The following KIAA1549 variants were observed in gnomAD, a reference collection of about 807,000 sequenced individuals.
KIAA1549 encodes the protein KIAA1549.
A neutral mutation model predicts 156.4 loss-of-function variants in KIAA1549; 70 were observed. The ratio of observed to expected loss-of-function variants is 0.45; its 90% confidence interval spans 0.37 to 0.55. The LOEUF is 0.55. KIAA1549 is among the 20% of genes least tolerant of loss of function. The probability of loss-of-function intolerance (pLI) is 0.00; values close to 1 mark genes in which losing one functional copy is unlikely to be tolerated. For synonymous variants in KIAA1549, 1,103 were observed against 1,066.4 expected, an observed-to-expected ratio of 1.03 and a Z score of -0.67; for missense variants, 2,428 against 2,540.9, an observed-to-expected ratio of 0.96 and a Z score of 0.96.
intron 17 of KIAA1549, 22 bp downstream of exon 17, chr7:138,852,201 C>T (rs1402696322): frequency 6.3e-7 from 1 of 1,579,456 alleles, no homozygotes; most frequent in African/African-American, 1.4e-5. Flanking sequence ...AGTGATAATA[C>T]ATTTTGTTTT....
At chr7:138,908,743 A>G (rs1812079487) in intron 5 of KIAA1549, among the ~76,000 whole-genome samples, 1 of 152,172 alleles carries the variant, frequency 6.6e-6, no homozygotes, top group African/African-American at 2.4e-5. Context: ...AATTTCCTGA[A>G]TATGGTCATG....
At chr7:138,903,982 C>A (rs1811937079) in intron 7 of KIAA1549, among the ~76,000 whole-genome samples, 1 of 152,098 alleles carries the variant, frequency 6.6e-6, no homozygotes, top group South Asian at 2.1e-4. Context: ...GAAATGCAGC[C>A]CACAAGAGCT....
intron 6 of KIAA1549, 73 bp downstream of exon 6, chr7:138,906,846 A>G (rs1465176663): frequency 1.7e-6 from 2 of 1,204,872 alleles, no homozygotes; most frequent in Non-Finnish European, 2.2e-6. Context: ...AACTAAAAAA[A>G]TTTTAAGAAG....
intron 1 of KIAA1549, among the ~76,000 whole-genome samples, chr7:138,944,088 T>G (rs1813274147): frequency 6.6e-6 from 1 of 151,564 alleles, no homozygotes; most frequent in Non-Finnish European, 1.5e-5. Flanking sequence ...TTTTTTTTTT[T>G]GTCTATGGCC....
intron 1 of KIAA1549, among the ~76,000 whole-genome samples, chr7:138,963,026 G>C (rs527630897): frequency 1.3e-4 from 20 of 152,224 alleles, no homozygotes; most frequent in Admixed American, 1.2e-3. Flanking sequence ...TGTAGACGGA[G>C]TTGCTAGAGG....
intron 1 of KIAA1549, among the ~76,000 whole-genome samples, chr7:138,957,735 C>T (rs1163261621): frequency 6.6e-6 from 1 of 152,076 alleles, no homozygotes; most frequent in African/African-American, 2.4e-5. Flanking sequence ...ACCTCAGCCT[C>T]CCAAAGTGCT....
At chr7:138,908,896 G>T in intron 5 of KIAA1549, 95 bp downstream of exon 5, 1 of 1,479,066 alleles carries the variant, frequency 6.8e-7, no homozygotes, top group Non-Finnish European at 9.3e-7. Context: ...TTCCGCCACT[G>T]GAGGGAATAA....
intron 2 of KIAA1549, among the ~76,000 whole-genome samples, chr7:138,913,775 C>A (rs1286476245): frequency 6.6e-6 from 1 of 152,024 alleles, no homozygotes; most frequent in Non-Finnish European, 1.5e-5. Context: ...GCCAACTCCG[C>A]ATGGCCCACA....
At chr7:138,899,659 T>A (rs1472674048) in intron 8 of KIAA1549, among the ~76,000 whole-genome samples, 5 of 152,196 alleles carry the variant, frequency 3.3e-5, no homozygotes, top group African/African-American at 1.2e-4. Flanking sequence ...GTTAGTAGTA[T>A]CCCTGCCCTC....
chr7:138,929,968 G>A (rs75874889), intron 1 of KIAA1549, among the ~76,000 whole-genome samples: 1,816 of 152,192 alleles, frequency 0.012, 37 homozygotes, highest in African/African-American at 0.041. Flanking sequence ...GTGAGTCACC[G>A]CACCCAGCCA....
chr7:138,920,311 G>C (rs1812532559), intron 1 of KIAA1549, among the ~76,000 whole-genome samples: 1 of 151,422 alleles, frequency 6.6e-6, no homozygotes. Context: ...TTGGATTCGT[G>C]CCTCTCCCTA....
intron 1 of KIAA1549, among the ~76,000 whole-genome samples, chr7:138,929,456 C>T (rs1179446814): frequency 6.6e-6 from 1 of 152,202 alleles, no homozygotes; most frequent in East Asian, 1.9e-4. Flanking sequence ...TGACTTCCTC[C>T]ACTGAAGTCT....
chr7:138,970,971 G>A (rs78142078), intron 1 of KIAA1549, among the ~76,000 whole-genome samples: 36 of 137,692 alleles, frequency 2.6e-4, no homozygotes, highest in African/African-American at 9.8e-4. Context: ...AGAAGTGACA[G>A]GAGAGTTTCC....
rs1812125886 is a variant in KIAA1549 at position 138,910,127 on chromosome 7, G to GGCTATA, written c.3146-1007_3146-1006insTATAGC. Among the ~76,000 whole-genome samples, 9 of 152,310 alleles carry GGCTATA rather than the reference G, an allele frequency of 5.9e-5. No individual in the cohort carries two copies. The South Asian group carries it at 1.9e-3, about 32-fold the overall frequency. ...GTAGATGGGGGTGTGGCTATAACAA[G>GGCTATA]ACTGGCTAGGAACGGAAAAGTGGTT... On this transcript the variant is annotated intron_variant, in intron 4 of 19. Coordinates refer to ENST00000422774, the MANE Select transcript of KIAA1549 (RefSeq NM_001164665.2).
intron 16 of KIAA1549, among the ~76,000 whole-genome samples, chr7:138,857,376 C>A (rs185423679): frequency 6.6e-6 from 1 of 152,282 alleles, no homozygotes; most frequent in Admixed American, 6.5e-5. Flanking sequence ...CTGCTGTTTT[C>A]TTTGGGTCTA....
intron 1 of KIAA1549, among the ~76,000 whole-genome samples, chr7:138,977,569 T>C (rs905600544): frequency 6.6e-6 from 1 of 151,968 alleles, no homozygotes; most frequent in African/African-American, 2.4e-5. Context: ...CCCAGCATTT[T>C]GAACAAAAGA....
intron 17 of KIAA1549, among the ~76,000 whole-genome samples, chr7:138,844,790 C>T (rs529121707): frequency 6.6e-6 from 1 of 151,880 alleles, no homozygotes; most frequent in African/African-American, 2.4e-5. Context: ...CATCACCTGG[C>T]GGGCCCGAAA....
intron 1 of KIAA1549, among the ~76,000 whole-genome samples, chr7:138,937,760 G>A (rs763409283): frequency 2.0e-5 from 3 of 152,188 alleles, no homozygotes; most frequent in East Asian, 1.9e-4. Flanking sequence ...TCACATGGAC[G>A]GTGAGGAGCC....
rs1456796027 is a variant in KIAA1549 at position 138,906,784 on chromosome 7, T to C, written c.3460+135A>G. The C allele has an allele frequency of 6.4e-6, 4 of 623,532 alleles. No individual in the cohort carries two copies. The Admixed American group carries it at 1.1e-4, about 17-fold the overall frequency. The allele number at this position is 623,532 out of a possible 1,614,324, so 38.6% of individuals were successfully genotyped here. A position where few individuals can be genotyped will look rare whatever the true frequency, so the allele number is the denominator to read the frequency against. On this transcript the variant is annotated intron_variant, in intron 6 of 19. Transcript: ENST00000422774. ...TACTCGTGCAACCAAATACCACCTG[T>C]ACCCCAACGCCTTATGGAAAAATAA...
Sources: gnomAD v4.1 joint callset for allele counts (sites outside exome capture counted in the v4.1 genomes callset) on GRCh38, gnomAD v4.1.1 for gene constraint, MANE v1.5 for transcripts, NCBI Gene and HGNC (gene_info 2026-07-23, HGNC 2026-07-21) for gene names.